TGM6: variants seen among roughly 807,000 people sequenced by gnomAD.
TGM6 encodes the protein protein-glutamine gamma-glutamyltransferase 6.
A neutral mutation model predicts 77.5 loss-of-function variants in TGM6; 74 were observed. The observed-to-expected ratio is 0.96, with a 90% CI of 0.79 to 1.16. The LOEUF is 1.16. TGM6 is among the 50% of genes most tolerant of loss of function. TGM6 has a pLI of 0.00. For synonymous variants in TGM6, 383 were observed against 378.9 expected (o/e 1.01, Z -0.12); for missense variants, 968 against 940.2 (o/e 1.03, Z -0.39).
chr20:2,397,264 G>A (rs1216612626), intron 4 of TGM6, among the ~76,000 whole-genome samples: 2 of 152,240 alleles, frequency 1.3e-5, no homozygotes, highest in African/African-American at 2.4e-5. Flanking sequence ...CCGCACGGAC[G>A]TGGGAAGTAG....
intron 9 of TGM6, among the ~76,000 whole-genome samples, chr20:2,406,836 A>C: frequency 2.0e-5 from 1 of 49,828 alleles, no homozygotes; most frequent in East Asian, 1.8e-3. Flanking sequence ...CTCCTCAAAA[A>C]AAAAAAAAAA....
intron 9 of TGM6, 136 bp from the exon 10 acceptor site, chr20:2,417,096 A>T: frequency 3.9e-6 from 3 of 765,340 alleles, no homozygotes; most frequent in Non-Finnish European, 6.4e-6. Context: ...AACTTTATTT[A>T]CATAGAGAAT....
intron 10 of TGM6, among the ~76,000 whole-genome samples, chr20:2,429,629 C>T (rs1488972803): frequency 2.6e-5 from 4 of 152,078 alleles, no homozygotes; most frequent in African/African-American, 9.7e-5. Flanking sequence ...ATTAGCTGGG[C>T]ATGGTGGCAT....
chr20:2,392,320 A>G (rs1489556480), intron 1 of TGM6, among the ~76,000 whole-genome samples: 1 of 152,180 alleles, frequency 6.6e-6, no homozygotes, highest in African/African-American at 2.4e-5. Flanking sequence ...ACACTCATCC[A>G]ATTTAAGACT....
At chr20:2,395,108 G>C in intron 2 of TGM6, 86 bp from the exon 3 acceptor site, 1 of 1,563,304 alleles carries the variant, frequency 6.4e-7, no homozygotes, top group Non-Finnish European at 8.6e-7. Flanking sequence ...GTGAAGGTGG[G>C]GCTTCCAGGC....
chr20:2,386,567 G>A (rs745561308), intron 1 of TGM6, among the ~76,000 whole-genome samples: 54 of 152,168 alleles, frequency 3.5e-4, no homozygotes, highest in Admixed American at 8.5e-4. Context: ...CTAACATTGG[G>A]CGGTGAGTGA....
In TGM6 at chr20:2,400,307, C is replaced by T; in HGVS notation, c.852C>T (p.Val284=). The change falls in exon 7 of 13, where the codon GTC becomes GTT. Residue 284 remains valine, a splice_region_variant and synonymous_variant. Transcript: ENST00000202625. The part of the protein sequence containing the change: ...CWVFAGVLCT[V]LRCLGIATRV... Reference sequence around the variant, plus strand: ...GCTCCGAGCCTCTCTGCTCTGCAGTCCTCAGGTGCTTGGGGATAGCCACAC... The same window carrying T: ...GCTCCGAGCCTCTCTGCTCTGCAGTTCTCAGGTGCTTGGGGATAGCCACAC... The T allele has an allele frequency of 6.2e-7, 1 of 1,614,194 alleles. No homozygotes were observed. The highest frequency in any genetic ancestry group is 8.5e-7 in the Non-Finnish European group (1 of 1,180,028).
chr20:2,381,046 T>G (rs2084551244), intron 1 of TGM6, 71 bp downstream of exon 1: 1 of 1,577,326 alleles, frequency 6.3e-7, no homozygotes, highest in African/African-American at 1.3e-5. Flanking sequence ...CACGGGTCTG[T>G]GGGATGACGT....
chr20:2,395,979 A>G (rs1289089881), intron 3 of TGM6, among the ~76,000 whole-genome samples: 1 of 152,100 alleles, frequency 6.6e-6, no homozygotes, highest in Non-Finnish European at 1.5e-5. Flanking sequence ...TGGGGAGTTC[A>G]AGACCAGCCT....
At position 2,403,670 on chromosome 20, in the gene TGM6, G is replaced by A; in HGVS notation, c.1183G>A (p.Val395Ile). The A allele has an allele frequency of 6.2e-7, 1 of 1,614,202 alleles. No individual in the cohort carries two copies. The highest frequency in any genetic ancestry group is 8.5e-7 in the Non-Finnish European group (1 of 1,180,044). ...AHDGPFVFAE[V>I]NADYITWLWH... ...CGATGGCCCCTTCGTGTTTGCGGAGGTCAACGCCGACTACATCACCTGGCT... is the reference window on the plus strand; with the variant it reads ...CGATGGCCCCTTCGTGTTTGCGGAGATCAACGCCGACTACATCACCTGGCT... The change falls in exon 9 of 13, where the codon GTC becomes ATC. Residue 395 changes from valine to isoleucine, a missense_variant. Val to Ile is a conservative substitution (Grantham distance 29). Coordinates refer to ENST00000202625, the MANE Select transcript of TGM6 (RefSeq NM_198994.3).
chr20:2,409,510 G>A (rs979774177), intron 9 of TGM6, among the ~76,000 whole-genome samples: 4 of 152,040 alleles, frequency 2.6e-5, no homozygotes, highest in African/African-American at 4.8e-5. Flanking sequence ...TCAGGAGTTC[G>A]AGACCAGCCT....
chr20:2,399,037 G>A (rs998529782), intron 5 of TGM6, among the ~76,000 whole-genome samples: 2 of 151,690 alleles, frequency 1.3e-5, no homozygotes, highest in South Asian at 4.2e-4. Flanking sequence ...TGAACTCAAG[G>A]CTCCCAAGTC....
chr20:2,387,898 G>A (rs1189715543), intron 1 of TGM6, among the ~76,000 whole-genome samples: 1 of 152,208 alleles, frequency 6.6e-6, no homozygotes, highest in Non-Finnish European at 1.5e-5. Flanking sequence ...CTGTCTGTCA[G>A]CTGGGAGCTC....
Position 2,400,414 on chromosome 20 carries a change from C to T in TGM6, c.959C>T (p.Thr320Ile). 1 of 1,614,152 alleles carries T rather than the reference C, an allele frequency of 6.2e-7. No homozygotes were observed. The highest frequency in any genetic ancestry group is 8.5e-7 in the Non-Finnish European group (1 of 1,180,034). ...VDKYVDSFGRTLEDLTEDSMW... is the reference protein window; with the variant it reads ...VDKYVDSFGRILEDLTEDSMW... Reference sequence around the variant, plus strand: ...AAATACGTGGACTCCTTCGGGCGGACCCTGGAGGACCTGACAGAAGACAGC... The same window carrying T: ...AAATACGTGGACTCCTTCGGGCGGATCCTGGAGGACCTGACAGAAGACAGC... The change falls in exon 7 of 13, where the codon ACC becomes ATC. Residue 320 changes from threonine (T) to isoleucine (I), a missense_variant. Coordinates refer to ENST00000202625, the MANE Select transcript of TGM6 (RefSeq NM_198994.3).
rs113241323 is a variant in TGM6 at position 2,426,592 on chromosome 20, C to T, written c.1679-3854C>T. 4.6e-5 allele frequency among the ~76,000 whole-genome samples: 7 copies of T among 152,194 alleles called. 1 individual carries two copies. Among genetic ancestry groups the T allele is most frequent in the African/African-American group, 1.4e-4 (6 of 41,534 alleles). Reference sequence around the variant, plus strand: ...AAGAGGGGACATCCTTGCCTTGTTCCTAATCATCATGGGAAAGCTTCCAGT... The same window carrying T: ...AAGAGGGGACATCCTTGCCTTGTTCTTAATCATCATGGGAAAGCTTCCAGT... On this transcript the variant is annotated intron_variant, in intron 10 of 12. Transcript: ENST00000202625.
At position 2,390,041 on chromosome 20, in the gene TGM6, G is replaced by A. The variant is rs1028680338; in HGVS notation, c.8-4411G>A. 3.3e-5 allele frequency among the ~76,000 whole-genome samples: 5 copies of A among 152,226 alleles called. No homozygotes were observed. In the East Asian group the frequency reaches 9.7e-4, roughly 29 times the overall value. On this transcript the variant is annotated intron_variant, in intron 1 of 12. Transcript: ENST00000202625. ...AGCCTCCAATCCCAAGCAAAGCCCT[G>A]CTTCTTTGAACTCTCCCCAAACCAC...
chr20:2,406,770 G>A (rs2084753938), intron 9 of TGM6, among the ~76,000 whole-genome samples: 1 of 140,456 alleles, frequency 7.1e-6, no homozygotes, highest in Admixed American at 7.8e-5. Flanking sequence ...GGGAGGCGGA[G>A]GTTGCAGTGA....
At chr20:2,424,451 A>C (rs1306660167) in intron 10 of TGM6, among the ~76,000 whole-genome samples, 1 of 152,174 alleles carries the variant, frequency 6.6e-6, no homozygotes, top group African/African-American at 2.4e-5. Context: ...CTAGCTTCAA[A>C]CTTGTCTTCT....
rs940797436 is a variant in TGM6, at chr20:2,395,441, G to A, written c.424+5G>A. The stretch of plus-strand genomic sequence containing the variant: ...TTTTCAACCCATGGTGTGCAGGTAG[G>A]AGTGGCCAAGTCCAATGCAGAGGTT... On this transcript the variant is annotated splice_donor_5th_base_variant and intron_variant, in intron 3 of 12. Transcript: ENST00000202625. 6.2e-7 allele frequency: 1 copy of A among 1,614,256 alleles called. No homozygotes were observed. The highest frequency in any genetic ancestry group is 8.5e-7 in the Non-Finnish European group (1 of 1,180,052).
Sources: allele counts gnomAD v4.1 joint callset (sites outside exome capture counted in the v4.1 genomes callset), GRCh38; gene constraint gnomAD v4.1.1; transcripts MANE v1.5; gene names NCBI Gene and HGNC (gene_info 2026-07-23, HGNC 2026-07-21).